Variants in DZIP1 observed in about 807,000 individuals in gnomAD.
The protein encoded by DZIP1 is cilium assembly protein DZIP1.
Under a neutral mutation model 107.6 loss-of-function variants are expected in DZIP1, and 97 were observed. The observed-to-expected ratio is 0.90, with a 90% CI of 0.77 to 1.07. The LOEUF is 1.07. Among genes scored for constraint, DZIP1 ranks in the 50% least tolerant of loss-of-function variants. The probability of loss-of-function intolerance (pLI) is 0.00; values close to 1 mark genes in which losing one functional copy is unlikely to be tolerated. For synonymous variants in DZIP1, 390 were observed against 386.4 expected (o/e 1.01, Z -0.11); for missense variants, 1,035 against 1,063.6 (o/e 0.97, Z 0.37).
chr13:95,602,814 C>T (rs757041358), intron 14 of DZIP1, among the ~76,000 whole-genome samples: 17 of 152,202 alleles, frequency 1.1e-4, no homozygotes, highest in Non-Finnish European at 2.1e-4. Flanking sequence ...CAACAGTCCC[C>T]ATCCCACTTC....
chr13:95,620,866 G>C (rs115920454), intron 9 of DZIP1, among the ~76,000 whole-genome samples: 1 of 152,122 alleles, frequency 6.6e-6, no homozygotes, highest in African/African-American at 2.4e-5. Context: ...GTTCATGAGC[G>C]ACCAGCTGTA....
rs5805944 is a variant in DZIP1, at chr13:95,622,743, A to ATT, written c.973-265_973-264dup. On this transcript the variant is annotated intron_variant, in intron 8 of 22. Transcript: ENST00000376829. ...AACTTTCTAATCTTAAACGAGTCTA[A>ATT]TTTTTTTTTTTTTTTTGGAGACAGG... Among the ~76,000 whole-genome samples, 283 of 140,856 alleles carry ATT rather than the reference A, an allele frequency of 2.0e-3. 2 individuals are homozygous for ATT. Among genetic ancestry groups the ATT allele is most frequent in the African/African-American group, 3.9e-3 (149 of 37,982 alleles). 92.4% of individuals were successfully genotyped at this position (140,856 alleles called of 152,430 possible). A position where few individuals can be genotyped will look rare whatever the true frequency, so the allele number is the denominator to read the frequency against.
At chr13:95,590,232 A>C in intron 17 of DZIP1, 47 bp downstream of exon 17, 2 of 1,494,036 alleles carry the variant, frequency 1.3e-6, no homozygotes, top group Non-Finnish European at 1.8e-6. Flanking sequence ...GAAAAAAAGA[A>C]AAAGTTGTTA....
intron 5 of DZIP1, among the ~76,000 whole-genome samples, chr13:95,637,604 ATCTCTCTCTCTCTCTCTCTCTCTCTC>A (rs10539901): frequency 6.9e-6 from 1 of 145,072 alleles, no homozygotes; most frequent in Non-Finnish European, 1.5e-5. Flanking sequence ...GACATTAGCG[ATCTCTCTCTCTCTCTCTCTCTCTCTC>A]TCTCTCTCTC....
chr13:95,613,930 C>T (rs899087462), intron 10 of DZIP1, among the ~76,000 whole-genome samples: 4 of 151,910 alleles, frequency 2.6e-5, no homozygotes, highest in African/African-American at 7.3e-5. Context: ...TGGAGTTCAG[C>T]GTGGGCAATG....
intron 5 of DZIP1, among the ~76,000 whole-genome samples, chr13:95,639,590 C>CAAAAAAA (rs34000481): frequency 1.2e-5 from 1 of 85,586 alleles, no homozygotes. Context: ...GACTCCATCT[C>CAAAAAAA]AAAAAAAAAA....
At chr13:95,606,974 CTTTT>C (rs1378779365) in intron 13 of DZIP1, among the ~76,000 whole-genome samples, 6 of 152,170 alleles carry the variant, frequency 3.9e-5, no homozygotes, top group African/African-American at 1.4e-4. Flanking sequence ...CCGCTTCTTT[CTTTT>C]ATCAAGACAG....
chr13:95,614,248 A>G (rs1874769025), intron 10 of DZIP1, among the ~76,000 whole-genome samples: 1 of 152,014 alleles, frequency 6.6e-6, no homozygotes, highest in Admixed American at 6.6e-5. Flanking sequence ...AGATTTTCCG[A>G]GTGAAACCTA....
chr13:95,588,666 C>G (rs902042112), intron 19 of DZIP1, among the ~76,000 whole-genome samples: 47 of 152,258 alleles, frequency 3.1e-4, no homozygotes, highest in African/African-American at 1.0e-3. Flanking sequence ...AAACAGTAAT[C>G]AACTAAATCA....
rs373066250 is a variant in DZIP1 at position 95,628,194 on chromosome 13, C to A, written c.810+1795G>T. On this transcript the variant is annotated intron_variant, in intron 7 of 22. Coordinates refer to ENST00000376829, the MANE Select transcript of DZIP1 (RefSeq NM_198968.4). ...AGTAGCTGGGACCACAAGCGCATGCCACCACACTTAGCTAATTTTTTAATT... is the reference window on the plus strand; with the variant it reads ...AGTAGCTGGGACCACAAGCGCATGCAACCACACTTAGCTAATTTTTTAATT... 1.4e-3 allele frequency among the ~76,000 whole-genome samples: 210 copies of A among 152,212 alleles called. 1 individual carries two copies. Among genetic ancestry groups the A allele is most frequent in the African/African-American group, 4.7e-3 (196 of 41,536 alleles).
Position 95,619,880 on chromosome 13 carries a change from C to G in DZIP1, c.1173+5G>C. The G allele has an allele frequency of 6.2e-7, 1 of 1,613,372 alleles. No individual in the cohort carries two copies. Among genetic ancestry groups the G allele is most frequent in the Non-Finnish European group, 8.5e-7 (1 of 1,179,704 alleles). Reference sequence around the variant, plus strand: ...CACTTTAGGCCACTGGTTTCTTAACCTTACCCGACCCTTCTCTTTCTTGTG... The same window carrying G: ...CACTTTAGGCCACTGGTTTCTTAACGTTACCCGACCCTTCTCTTTCTTGTG... On this transcript the variant is annotated splice_donor_5th_base_variant and intron_variant, in intron 10 of 22. Transcript: ENST00000376829.
Position 95,584,880 on chromosome 13 carries a change from T to C in DZIP1, c.2380A>G (p.Ile794Val), listed in dbSNP as rs2044118714. The change falls in exon 22 of 23, where the codon ATA becomes GTA. Residue 794 changes from isoleucine to valine, a missense_variant. Transcript: ENST00000376829. ...CADVEDEDWDISSLEEEISLG... is the reference protein window; with the variant it reads ...CADVEDEDWDVSSLEEEISLG... ...GATATCTCTTCCTCTAGGGATGATA[T>C]GTCCCAGTCTTCATCCTCCACATCC... is the stretch of plus-strand genomic sequence containing the variant. The C allele has an allele frequency of 5.0e-6, 8 of 1,613,896 alleles. No homozygotes were observed. The highest frequency in any genetic ancestry group is 4.2e-6 in the Non-Finnish European group (5 of 1,179,964).
intron 7 of DZIP1, among the ~76,000 whole-genome samples, chr13:95,627,767 G>A (rs144117765): frequency 6.6e-6 from 1 of 152,272 alleles, no homozygotes; most frequent in African/African-American, 2.4e-5. Context: ...ATATGACTCA[G>A]CAATTCCATT....
intron 15 of DZIP1, among the ~76,000 whole-genome samples, chr13:95,599,015 C>G (rs545641655): frequency 2.4e-4 from 36 of 152,300 alleles, no homozygotes; most frequent in Admixed American, 5.2e-4. Context: ...CACTATGATA[C>G]AAATATTTTC....
intron 15 of DZIP1, among the ~76,000 whole-genome samples, chr13:95,596,416 A>T (rs1279514979): frequency 6.6e-6 from 1 of 152,230 alleles, no homozygotes; most frequent in Non-Finnish European, 1.5e-5. Context: ...AATGATTTTT[A>T]AAAATCCTTG....
chr13:95,613,330 T>A (rs372029061), intron 10 of DZIP1, among the ~76,000 whole-genome samples: 7 of 151,964 alleles, frequency 4.6e-5, no homozygotes, highest in African/African-American at 1.7e-4. Context: ...CTGGCCAACA[T>A]GGCAAAACCC....
chr13:95,597,934 G>A lies in DZIP1; in HGVS notation c.1537+1431C>T, dbSNP rs1350929336. Among the ~76,000 whole-genome samples, 5 of 152,162 alleles carry A rather than the reference G, an allele frequency of 3.3e-5. No homozygotes were observed. In the South Asian group the frequency reaches 8.3e-4, roughly 25 times the overall value. ...GAATCGATTCAGCCTGCAGGATCTC[G>A]TTTGATGCCTGGGCTGTGGTGGTCT... On this transcript the variant is annotated intron_variant, in intron 15 of 22. Transcript: ENST00000376829.
At chr13:95,583,061 C>T (rs1305929010) in intron 22 of DZIP1, among the ~76,000 whole-genome samples, 1 of 152,062 alleles carries the variant, frequency 6.6e-6, no homozygotes, top group Non-Finnish European at 1.5e-5. Flanking sequence ...CAGGCAGCAA[C>T]ATCTTATCTT....
rs186205008 is a variant in DZIP1, at chr13:95,586,622, A to G, written c.2219-486T>C. On this transcript the variant is annotated intron_variant, in intron 20 of 22. Transcript: ENST00000376829. ...ATGGGTATTTACAAAAACAATATGAATTTTTAAATGAATTATATTTTATCT... is the reference window on the plus strand; with the variant it reads ...ATGGGTATTTACAAAAACAATATGAGTTTTTAAATGAATTATATTTTATCT... Among the ~76,000 whole-genome samples, 259 of 151,976 alleles carry G rather than the reference A, an allele frequency of 1.7e-3. 1 individual carries two copies. The highest frequency in any genetic ancestry group is 6.0e-3 in the African/African-American group (251 of 41,504).
Sources: gnomAD v4.1 joint callset for allele counts (sites outside exome capture counted in the v4.1 genomes callset) on GRCh38, gnomAD v4.1.1 for gene constraint, MANE v1.5 for transcripts, NCBI Gene and HGNC (gene_info 2026-07-23, HGNC 2026-07-21) for gene names.